Variants in MTURN observed in about 807,000 individuals in gnomAD.
The protein encoded by MTURN is maturin, neural progenitor differentiation regulator homolog.
MTURN carries 7 observed loss-of-function variants against 14.9 expected under a neutral mutation model. That is an observed-to-expected ratio of 0.47 (90% CI 0.27 to 0.88). MTURN has a LOEUF of 0.88. Among genes scored for constraint, MTURN ranks in the 40% least tolerant of loss-of-function variants. The pLI, the probability that MTURN is intolerant of heterozygous loss-of-function variation, is 0.14. For synonymous variants in MTURN, 69 were observed against 72.5 expected, an observed-to-expected ratio of 0.95 and a Z score of 0.25; for missense variants, 151 against 174.1, an observed-to-expected ratio of 0.87 and a Z score of 0.75.
intron 1 of MTURN, chr7:30,137,433 G>A (rs1050134835): frequency 2.9e-6 from 1 of 347,774 alleles, no homozygotes; most frequent in African/African-American, 2.2e-5. Context: ...TCAGAAGTAA[G>A]AAGTATTATA....
chr7:30,145,955 G>A, intron 1 of MTURN: 1 of 1,551,688 alleles, frequency 6.4e-7, no homozygotes, highest in Non-Finnish European at 8.7e-7. Flanking sequence ...AACAGAGCAG[G>A]TGAGGTATGG....
At chr7:30,144,874 C>T (rs573300083) in intron 1 of MTURN, among the ~76,000 whole-genome samples, 130 of 151,230 alleles carry the variant, frequency 8.6e-4, no homozygotes, top group African/African-American at 3.0e-3. Context: ...GCTATCTGGC[C>T]GCTGCATCTT....
chr7:30,153,501 G>T (rs1045011705), intron 2 of MTURN, among the ~76,000 whole-genome samples: 2 of 152,174 alleles, frequency 1.3e-5, no homozygotes, highest in Non-Finnish European at 2.9e-5. Flanking sequence ...GGGTAGGGGT[G>T]TGAAGTCTGC....
chr7:30,158,365 G>A lies in MTURN; in HGVS notation c.*817G>A, dbSNP rs534939341. 1.4e-4 allele frequency: 22 copies of A among 152,680 alleles called. No homozygotes were observed. The highest frequency in any genetic ancestry group is 6.5e-4 in the Admixed American group (10 of 15,298). 9.5% of individuals were successfully genotyped at this position (152,680 alleles called of 1,614,324 possible). Reference sequence around the variant, plus strand: ...CTTCTCTCTTTCTAATGAGATGGCCGCTTGTTAAATCATGAAAACATCCAG... The same window carrying A: ...CTTCTCTCTTTCTAATGAGATGGCCACTTGTTAAATCATGAAAACATCCAG... On this transcript the variant is annotated 3_prime_UTR_variant, in exon 3 of 3. Transcript: ENST00000324453.
At chr7:30,149,456 G>T (rs546882707) in intron 2 of MTURN, among the ~76,000 whole-genome samples, 2 of 152,102 alleles carry the variant, frequency 1.3e-5, no homozygotes, top group Non-Finnish European at 2.9e-5. Flanking sequence ...GCACCTTCCC[G>T]GACTGGTAAA....
intron 1 of MTURN, among the ~76,000 whole-genome samples, chr7:30,138,967 A>C (rs577966694): frequency 6.6e-6 from 1 of 152,178 alleles, no homozygotes; most frequent in African/African-American, 2.4e-5. Flanking sequence ...TCCTGACCAC[A>C]TGTTCTTAGA....
chr7:30,142,953 T>C (rs964299081), intron 1 of MTURN, among the ~76,000 whole-genome samples: 2 of 152,156 alleles, frequency 1.3e-5, no homozygotes, highest in African/African-American at 4.8e-5. Flanking sequence ...GCTTAAAATA[T>C]TTTCCAAGTT....
At chr7:30,144,490 T>C (rs966892128) in intron 1 of MTURN, among the ~76,000 whole-genome samples, 10 of 152,198 alleles carry the variant, frequency 6.6e-5, no homozygotes, top group Non-Finnish European at 1.3e-4. Context: ...TAAATGACAT[T>C]GTGGTGGTTT....
At chr7:30,157,363 G>A (rs765894290) in intron 2 of MTURN, 75 bp from the exon 3 acceptor site, 13 of 1,273,496 alleles carry the variant, frequency 1.0e-5, no homozygotes, top group South Asian at 3.1e-5. Context: ...ATGTGGATCC[G>A]ATGCCTTTGG....
chr7:30,145,970 A>T, intron 1 of MTURN: 1 of 1,551,430 alleles, frequency 6.4e-7, no homozygotes, highest in Non-Finnish European at 8.7e-7. Flanking sequence ...GTATGGACCA[A>T]AAGCTCGGGG....
chr7:30,136,801 A>G (rs1003572782), intron 1 of MTURN, among the ~76,000 whole-genome samples: 2 of 152,194 alleles, frequency 1.3e-5, no homozygotes, highest in Admixed American at 1.3e-4. Flanking sequence ...CCAAAAAAAT[A>G]GGTATAATAA....
chr7:30,146,151 T>G (rs749382268), intron 1 of MTURN, 26 bp from the exon 2 acceptor site: 1 of 1,613,376 alleles, frequency 6.2e-7, no homozygotes, highest in South Asian at 1.1e-5. Context: ...CTTTGTTTTC[T>G]CCTTCCGTCG....
intron 1 of MTURN, among the ~76,000 whole-genome samples, chr7:30,142,089 C>G (rs1797060444): frequency 6.6e-6 from 1 of 152,208 alleles, no homozygotes; most frequent in Non-Finnish European, 1.5e-5. Flanking sequence ...GGTTGGACTA[C>G]TTTAATGACT....
chr7:30,156,684 G>T (rs1797292641), intron 2 of MTURN, among the ~76,000 whole-genome samples: 1 of 152,074 alleles, frequency 6.6e-6, no homozygotes, highest in Non-Finnish European at 1.5e-5. Flanking sequence ...AATTAGCTGG[G>T]CATGGTGGTG....
In MTURN at chr7:30,146,244, G is replaced by A. The variant is rs1797127840; in HGVS notation, c.230G>A (p.Cys77Tyr). The change falls in exon 2 of 3, where the codon TGC becomes TAC. Residue 77 changes from cysteine to tyrosine, a missense_variant. Coordinates refer to ENST00000324453, the MANE Select transcript of MTURN (RefSeq NM_152793.3). ...LQLAQDYISS[C>Y]GKKTLHEVLE... ...CTAGCACAGGATTACATCTCCTCCTGCGGCAAGAAGACGCTCCACGAAGTC... is the reference window on the plus strand; with the variant it reads ...CTAGCACAGGATTACATCTCCTCCTACGGCAAGAAGACGCTCCACGAAGTC... 1 of 1,613,988 alleles carries A rather than the reference G, an allele frequency of 6.2e-7. No individual in the cohort carries two copies. Among genetic ancestry groups the A allele is most frequent in the Non-Finnish European group, 8.5e-7 (1 of 1,180,046 alleles).
chr7:30,148,712 T>G (rs1053801596), intron 2 of MTURN, among the ~76,000 whole-genome samples: 2 of 151,446 alleles, frequency 1.3e-5, no homozygotes, highest in African/African-American at 4.9e-5. Flanking sequence ...ACCCTGAGTT[T>G]CTTGCCCAAG....
intron 2 of MTURN, among the ~76,000 whole-genome samples, chr7:30,156,422 TG>T (rs1393802853): frequency 1.3e-5 from 2 of 152,152 alleles, no homozygotes; most frequent in Non-Finnish European, 2.9e-5. Flanking sequence ...CCCAGCACTT[TG>T]GGAGGCCGAG....
At chr7:30,151,704 G>GT (rs1233306122) in intron 2 of MTURN, among the ~76,000 whole-genome samples, 6 of 152,180 alleles carry the variant, frequency 3.9e-5, no homozygotes, top group Non-Finnish European at 7.3e-5. Context: ...TGCTCTTGCA[G>GT]TTTTTTGTGC....
At chr7:30,145,879 G>A in intron 1 of MTURN, 7 of 1,551,622 alleles carry the variant, frequency 4.5e-6, no homozygotes, top group Non-Finnish European at 6.1e-6. Flanking sequence ...GGTGAACAGT[G>A]GAAATCATTG....
Sources: allele counts gnomAD v4.1 joint callset (sites outside exome capture counted in the v4.1 genomes callset), GRCh38; gene constraint gnomAD v4.1.1; transcripts MANE v1.5; gene names NCBI Gene and HGNC (gene_info 2026-07-23, HGNC 2026-07-21).